The following DLGAP1 variants were observed in gnomAD, a reference collection of about 807,000 sequenced individuals.
DLGAP1 encodes the protein DLG associated protein 1.
A neutral mutation model predicts 90.8 loss-of-function variants in DLGAP1; 11 were observed. The ratio of observed to expected loss-of-function variants is 0.12; its 90% CI spans 0.08 to 0.20. The LOEUF (loss-of-function observed/expected upper bound fraction) is 0.20, where lower values mean the gene tolerates loss of function less well. Ranked by LOEUF, DLGAP1 falls within the 10% of genes least tolerant of loss-of-function variation. DLGAP1 has a pLI of 1.00. For synonymous variants in DLGAP1, 558 were observed against 540.7 expected, an observed-to-expected ratio of 1.03 and a Z score of -0.44; for missense variants, 1,050 against 1,333.8, an observed-to-expected ratio of 0.79 and a Z score of 3.31.
At chr18:4,009,105 A>G (rs1036199931) in intron 2 of DLGAP1, among the ~76,000 whole-genome samples, 4 of 152,118 alleles carry the variant, frequency 2.6e-5, no homozygotes, top group Admixed American at 6.5e-5. Flanking sequence ...GGGTTTCACC[A>G]TGTTAGCCAG....
chr18:3,616,306 G>A (rs1213050555), intron 7 of DLGAP1, among the ~76,000 whole-genome samples: 3 of 152,156 alleles, frequency 2.0e-5, no homozygotes, highest in Admixed American at 6.6e-5. Context: ...ATCATTCGCT[G>A]TCTGACCTGA....
Position 3,879,547 on chromosome 18 carries a change from C to G in DLGAP1, c.522G>C (p.Gln174His). The G allele has an allele frequency of 6.3e-7, 1 of 1,599,500 alleles. No individual in the cohort carries two copies. Among genetic ancestry groups the G allele is most frequent in the Non-Finnish European group, 8.5e-7 (1 of 1,177,908 alleles). Residue 174 changes from glutamine (Q) to histidine (H), a missense_variant, in exon 4 of 13, where the codon CAG (glutamine) becomes CAC (histidine). By Grantham distance (24) the Gln-to-His change is conservative. This residue lies in a region of DLGAP1 where 485 missense variants were observed against 454.1 expected (regional missense o/e 1.07). Coordinates refer to ENST00000315677, the MANE Select transcript of DLGAP1 (RefSeq NM_004746.4). The surrounding 1 kb of genome is among the most constrained non-coding windows in gnomAD (Gnocchi z 6.6). ...NGGKASPDEA[Q>H]AARYGKRSKS... is the part of the protein sequence containing the mutation. ...TGCTGCGTTTGCCATAGCGCGCCGC[C>G]TGCGCCTCGTCAGGGCTGGCCTTGC...
chr18:3,916,148 T>C (rs1212599607), intron 3 of DLGAP1, among the ~76,000 whole-genome samples: 1 of 152,174 alleles, frequency 6.6e-6, no homozygotes, highest in African/African-American at 2.4e-5. Flanking sequence ...ACAGACTATA[T>C]TCAACTGCTG....
intron 3 of DLGAP1, among the ~76,000 whole-genome samples, chr18:3,892,493 T>C (rs746895071): frequency 6.6e-6 from 1 of 152,180 alleles, no homozygotes; most frequent in Non-Finnish European, 1.5e-5. Context: ...TATCCCTTCT[T>C]GAAGAGTAGG....
In DLGAP1 at chr18:3,711,702, C is replaced by T. The variant is rs2061601581; in HGVS notation, c.1591+17433G>A. On this transcript the variant is annotated intron_variant, in intron 7 of 12. Transcript: ENST00000315677. This position sits in a 1 kb window ranked among gnomAD's most constrained non-coding sequence, Gnocchi z 4.0. ...AAGAAAATTAAAATATTAGCTGGCT[C>T]AGTGGCACCACCTGTGGTCCCAGCT... Among the ~76,000 whole-genome samples, 1 of 152,044 alleles carries T rather than the reference C, an allele frequency of 6.6e-6. No individual in the cohort carries two copies. Among genetic ancestry groups the T allele is most frequent in the Non-Finnish European group, 1.5e-5 (1 of 67,994 alleles).
At chr18:3,875,938 G>A (rs889166610) in intron 4 of DLGAP1, among the ~76,000 whole-genome samples, 3 of 151,470 alleles carry the variant, frequency 2.0e-5, no homozygotes, top group Admixed American at 2.0e-4. Context: ...GAAGAATAGT[G>A]CTTTGCCTAC....
intron 3 of DLGAP1, chr18:3,977,814 G>A: frequency 2.6e-6 from 1 of 389,874 alleles, no homozygotes; most frequent in Non-Finnish European, 5.0e-6. Context: ...CGACAACCTG[G>A]TGCTCAGTGT....
intron 1 of DLGAP1, chr18:4,431,088 GA>G: frequency 3.3e-5 from 5 of 153,596 alleles, no homozygotes; most frequent in Non-Finnish European, 5.8e-5. Flanking sequence ...TGAGGCTAGG[GA>G]AAAGGTGCAA....
At chr18:4,316,320 G>A (rs901298074) in intron 1 of DLGAP1, among the ~76,000 whole-genome samples, 3 of 152,140 alleles carry the variant, frequency 2.0e-5, no homozygotes, top group Non-Finnish European at 2.9e-5. Flanking sequence ...CACAAGTTCT[G>A]GTTGCCATGC....
chr18:3,656,209 C>CT (rs2059477578), intron 7 of DLGAP1: 2 of 1,054,554 alleles, frequency 1.9e-6, no homozygotes, highest in Admixed American at 6.5e-5. Context: ...TTGGATTTTT[C>CT]TTTTTCTGCT....
At chr18:3,617,196 G>A (rs1050598055) in intron 7 of DLGAP1, among the ~76,000 whole-genome samples, 2 of 152,186 alleles carry the variant, frequency 1.3e-5, no homozygotes, top group African/African-American at 4.8e-5. Context: ...GTGATCCGTT[G>A]CATAGAAAGA....
chr18:3,991,206 T>C (rs553672849), intron 3 of DLGAP1, among the ~76,000 whole-genome samples: 73 of 152,284 alleles, frequency 4.8e-4, no homozygotes, highest in Non-Finnish European at 9.0e-4. Context: ...CCTCATTTCC[T>C]GTATCTCTAA....
intron 7 of DLGAP1, among the ~76,000 whole-genome samples, chr18:3,617,733 C>T (rs919610635): frequency 6.6e-6 from 1 of 151,860 alleles, no homozygotes; most frequent in African/African-American, 2.4e-5. Flanking sequence ...TCTGCAAGGC[C>T]TGATAAAGAA....
intron 4 of DLGAP1, among the ~76,000 whole-genome samples, chr18:3,878,554 C>A (rs1301811275): frequency 1.3e-5 from 2 of 152,198 alleles, no homozygotes; most frequent in African/African-American, 4.8e-5. Context: ...CTCCTCAGGG[C>A]ACAGGGCGTC....
chr18:3,833,742 C>T (rs1001815586), intron 4 of DLGAP1, among the ~76,000 whole-genome samples: 2 of 152,110 alleles, frequency 1.3e-5, no homozygotes, highest in African/African-American at 2.4e-5. Flanking sequence ...GATGAATCTA[C>T]AAGGATACAA....
intron 3 of DLGAP1, among the ~76,000 whole-genome samples, chr18:3,994,238 G>C (rs2074024633): frequency 6.6e-6 from 1 of 152,144 alleles, no homozygotes; most frequent in Admixed American, 6.5e-5. Context: ...TCCCTGTGCT[G>C]GTGTTTCAGC....
chr18:4,177,604 C>A lies in DLGAP1; in HGVS notation c.-266-26317G>T, dbSNP rs534664654. Among the ~76,000 whole-genome samples the A allele has an allele frequency of 1.9e-3, 293 of 152,236 alleles. 1 individual carries two copies. The highest frequency in any genetic ancestry group is 6.8e-3 in the African/African-American group (283 of 41,530). ...AGCACCAATAGATAGTTTTTCCATCCTTACCTTCCTCCCTCCATCCACCCT... is the reference window on the plus strand; with the variant it reads ...AGCACCAATAGATAGTTTTTCCATCATTACCTTCCTCCCTCCATCCACCCT... On this transcript the variant is annotated intron_variant, in intron 1 of 12. Coordinates refer to ENST00000315677, the MANE Select transcript of DLGAP1 (RefSeq NM_004746.4).
intron 3 of DLGAP1, among the ~76,000 whole-genome samples, chr18:3,944,161 G>C (rs757049401): frequency 6.6e-6 from 1 of 152,170 alleles, no homozygotes; most frequent in African/African-American, 2.4e-5. Context: ...TGAAGAAAAT[G>C]TCTTTATCTT....
At chr18:4,247,342 CT>C (rs1196159396) in intron 1 of DLGAP1, among the ~76,000 whole-genome samples, 1 of 152,164 alleles carries the variant, frequency 6.6e-6, no homozygotes, top group Non-Finnish European at 1.5e-5. Flanking sequence ...GGTTAAGATA[CT>C]TGGCTGAGTT....
Sources: gnomAD v4.1 joint callset for allele counts (sites outside exome capture counted in the v4.1 genomes callset) on GRCh38, gnomAD v4.1.1 for gene constraint, gnomAD v4.1.1 regional missense constraint, Gnocchi (gnomAD v3.1) non-coding constraint, MANE v1.5 for transcripts, NCBI Gene and HGNC (gene_info 2026-07-23, HGNC 2026-07-21) for gene names.